The following CDHR1 variants were observed in gnomAD, a reference collection of about 807,000 sequenced individuals.
CDHR1 encodes cadherin-related family member 1.
A neutral mutation model predicts 72.1 loss-of-function variants in CDHR1; 61 were observed. The observed-to-expected ratio is 0.85, with a 90% confidence interval of 0.69 to 1.05. CDHR1 has a LOEUF of 1.05. Ranked by LOEUF, CDHR1 falls within the 50% of genes least tolerant of loss-of-function variation. The probability of loss-of-function intolerance (pLI) is 0.00; values close to 1 mark genes in which losing one functional copy is unlikely to be tolerated. For synonymous variants in CDHR1, 470 were observed against 448.1 expected, an observed-to-expected ratio of 1.05 and a Z score of -0.62; for missense variants, 1,186 against 1,115.7, an observed-to-expected ratio of 1.06 and a Z score of -0.90.
Position 84,194,687 on chromosome 10 carries a change from C to A in CDHR1, c.-74C>A. On this transcript the variant is annotated 5_prime_UTR_variant, in exon 1 of 17. Coordinates refer to ENST00000623527, the MANE Select transcript of CDHR1 (RefSeq NM_033100.4). ...CCCATTGTGGTCTCTGCCCTCCCCG[C>A]GGGCCCAGGGCATGCTCCGTGCCCC... The A allele has an allele frequency of 1.6e-6, 2 of 1,277,842 alleles. No homozygotes were observed. Among genetic ancestry groups the A allele is most frequent in the Non-Finnish European group, 1.0e-6 (1 of 978,830 alleles). 79.2% of individuals were successfully genotyped at this position (1,277,842 alleles called of 1,614,324 possible). A position where few individuals can be genotyped will look rare whatever the true frequency, so the allele number is the denominator to read the frequency against.
At position 84,212,199 on chromosome 10, in the gene CDHR1, C is replaced by T. The variant is rs754996707; in HGVS notation, c.1574C>T (p.Thr525Ile). 3.7e-6 allele frequency: 6 copies of T among 1,614,100 alleles called. No homozygotes were observed. The highest frequency in any genetic ancestry group is 1.3e-5 in the African/African-American group (1 of 74,926). Residue 525 changes from threonine to isoleucine, a missense_variant, in exon 15 of 17, where the codon ACT becomes ATT. By Grantham distance (89) the Thr-to-Ile change is moderately conservative (BLOSUM62 -1). Coordinates refer to ENST00000623527, the MANE Select transcript of CDHR1 (RefSeq NM_033100.4). ...GADLFLIHPS[T>I]GLIYTQPWAS... ...GGCAGCTTCCTGATCCACCCATCCA[C>T]TGGGCTTATCTACACCCAGCCCTGG...
Position 84,196,512 on chromosome 10 carries a change from C to A in CDHR1, c.159C>A (p.His53Gln), listed in dbSNP as rs12781048. 0.036 allele frequency: 58,480 copies of A among 1,614,016 alleles called. 1,238 individuals are homozygous for A. The highest frequency in any genetic ancestry group is 0.042 in the Middle Eastern group (255 of 6,062). Reference protein sequence around the residue: ...SLPEDTPVGSHVYTLNGTDPE... With the variant: ...SLPEDTPVGSQVYTLNGTDPE... ...CACTGTGTTTCCTTCCAGGCTCTCA[C>A]GTATACACCCTGAATGGGACAGACC... is the stretch of plus-strand genomic sequence containing the variant. Residue 53 changes from histidine (H) to glutamine (Q), a missense_variant, in exon 3 of 17, where the codon CAC (histidine) becomes CAA (glutamine). Coordinates refer to ENST00000623527, the MANE Select transcript of CDHR1 (RefSeq NM_033100.4).
At position 84,214,707 on chromosome 10, in the gene CDHR1, T is replaced by C. The variant is rs543812322; in HGVS notation, c.*86T>C. The C allele has an allele frequency of 8.7e-5, 138 of 1,587,794 alleles. 1 individual carries two copies. In the African/African-American group the frequency reaches 1.6e-3, roughly 18 times the overall value. ...GACTATGCTCCCCTTCCTCTGCTCC[T>C]TAAGGTCACTGACCCCTGTTTTGCA... On this transcript the variant is annotated 3_prime_UTR_variant, in exon 17 of 17. Coordinates refer to ENST00000623527, the MANE Select transcript of CDHR1 (RefSeq NM_033100.4).
In CDHR1 at chr10:84,215,468, G is replaced by A; in HGVS notation, c.*847G>A. 1 of 984,288 alleles carries A rather than the reference G, an allele frequency of 1.0e-6. No homozygotes were observed. Among genetic ancestry groups the A allele is most frequent in the Non-Finnish European group, 1.2e-6 (1 of 828,908 alleles). The allele number at this position is 984,288 out of a possible 1,614,324, so 61.0% of individuals were successfully genotyped here. ...GAAGAGACAATTCAGGGCAGTTGATGAATATCAGGGCTGAGATGTGGTGAG... is the reference window on the plus strand; with the variant it reads ...GAAGAGACAATTCAGGGCAGTTGATAAATATCAGGGCTGAGATGTGGTGAG... On this transcript the variant is annotated 3_prime_UTR_variant, in exon 17 of 17. Transcript: ENST00000623527.
chr10:84,195,696 G>A (rs1359168729), intron 2 of CDHR1, 107 bp downstream of exon 2: 7 of 917,502 alleles, frequency 7.6e-6, no homozygotes, highest in African/African-American at 3.3e-5. Flanking sequence ...CGCGCCCGGG[G>A]GCTCCTTGTT....
chr10:84,218,576 G>A lies in CDHR1; in HGVS notation c.*3955G>A, dbSNP rs1589313292. 1 of 985,458 alleles carries A rather than the reference G, an allele frequency of 1.0e-6. No homozygotes were observed. Among genetic ancestry groups the A allele is most frequent in the East Asian group, 1.1e-4 (1 of 8,822 alleles). 61.0% of individuals were successfully genotyped at this position (985,458 alleles called of 1,614,324 possible). On this transcript the variant is annotated 3_prime_UTR_variant, in exon 17 of 17. Coordinates refer to ENST00000623527, the MANE Select transcript of CDHR1 (RefSeq NM_033100.4). ...ATTGCTAATCGCCTGGGCCTAGGGA[G>A]TCTTCATTTTAAAAGCAAGTAGCCC...
intron 10 of CDHR1, among the ~76,000 whole-genome samples, chr10:84,206,607 C>T (rs550716646): frequency 2.8e-4 from 43 of 152,306 alleles, no homozygotes; most frequent in Middle Eastern, 3.4e-3. Context: ...GGATTACAGC[C>T]ACTTGAAAAG....
Position 84,198,302 on chromosome 10 carries a change from C to T in CDHR1, c.348+466C>T, listed in dbSNP as rs551369336. Among the ~76,000 whole-genome samples the T allele has an allele frequency of 2.0e-5, 3 of 152,326 alleles. No homozygotes were observed. The East Asian group carries it at 5.8e-4, about 29-fold the overall frequency. ...GTCACTATGGAACAGTCAGATCTGC[C>T]CACTCTGAGGCTGGGAAAGCACTAA... is the stretch of plus-strand genomic sequence containing the variant. On this transcript the variant is annotated intron_variant, in intron 4 of 16. Transcript: ENST00000623527.
rs747005556 is a variant in CDHR1, at chr10:84,214,448, A to G, written c.2407A>G (p.Ser803Gly). The G allele has an allele frequency of 1.2e-6, 2 of 1,612,512 alleles. No homozygotes were observed. The highest frequency in any genetic ancestry group is 1.7e-6 in the Non-Finnish European group (2 of 1,179,918). Residue 803 changes from serine to glycine, a missense_variant, in exon 17 of 17, where the codon AGC becomes GGC. Transcript: ENST00000623527. Reference sequence around the variant, plus strand: ...CCCTCCACCACCCAGCGTGGCGCCCAGCACTGGCGCAGCCCAGTGGACCGT... The same window carrying G: ...CCCTCCACCACCCAGCGTGGCGCCCGGCACTGGCGCAGCCCAGTGGACCGT... Reference protein sequence around the residue: ...ALPPPPSVAPSTGAAQWTVPT... With the variant: ...ALPPPPSVAPGTGAAQWTVPT...
chr10:84,194,573 TC>T lies in CDHR1; in HGVS notation c.-186del. ...TCGTCAGGCGGCCGGCAGGAGCAGA[TC>T]CGAGCCGTGTCATCCTCTTAGCGCC... On this transcript the variant is annotated 5_prime_UTR_variant, in exon 1 of 17. Transcript: ENST00000623527. The T allele has an allele frequency of 6.3e-6, 3 of 475,456 alleles. No individual in the cohort carries two copies. The South Asian group carries it at 1.1e-4, about 17-fold the overall frequency. 29.5% of individuals were successfully genotyped at this position (475,456 alleles called of 1,614,324 possible).
chr10:84,201,832 A>G lies in CDHR1; in HGVS notation c.551A>G (p.Asp184Gly), dbSNP rs1352579543. 3 of 1,610,310 alleles carry G rather than the reference A, an allele frequency of 1.9e-6. No individual in the cohort carries two copies. In the African/African-American group the frequency reaches 4.0e-5, roughly 21 times the overall value. The part of the protein sequence containing the change: ...LQNLHSPFAV[D>G]RHSGVLRLQA... The stretch of plus-strand genomic sequence containing the variant: ...AACCTGCACTCCCCATTTGCCGTGG[A>G]CCGCCACAGCGGTGTGCTGCGCCTC... Residue 184 changes from aspartate to glycine, a missense_variant, in exon 7 of 17, where the codon GAC becomes GGC. Coordinates refer to ENST00000623527, the MANE Select transcript of CDHR1 (RefSeq NM_033100.4).
intron 5 of CDHR1, among the ~76,000 whole-genome samples, chr10:84,199,763 G>A (rs1298170815): frequency 6.6e-6 from 1 of 152,174 alleles, no homozygotes; most frequent in Non-Finnish European, 1.5e-5. Context: ...AAGCACACAT[G>A]CCCACAGGGT....
At position 84,209,003 on chromosome 10, in the gene CDHR1, T is replaced by C. The variant is rs1048967134; in HGVS notation, c.1320+122T>C. ...TGCCCTTCCTGGCCCTACTCTTTTCTTCTCCAGCCCTCTGCCCCTCCTGCA... is the reference window on the plus strand; with the variant it reads ...TGCCCTTCCTGGCCCTACTCTTTTCCTCTCCAGCCCTCTGCCCCTCCTGCA... On this transcript the variant is annotated intron_variant, in intron 12 of 16. Transcript: ENST00000623527. 6 of 1,111,398 alleles carry C rather than the reference T, an allele frequency of 5.4e-6. No homozygotes were observed. In the African/African-American group the frequency reaches 7.7e-5, roughly 14 times the overall value. The allele number at this position is 1,111,398 out of a possible 1,614,324, so 68.8% of individuals were successfully genotyped here. A position where few individuals can be genotyped will look rare whatever the true frequency, so the allele number is the denominator to read the frequency against.
At chr10:84,204,468 TGGGGA>T in intron 8 of CDHR1, 54 bp from the exon 9 acceptor site, 2 of 1,174,570 alleles carry the variant, frequency 1.7e-6, no homozygotes, top group Non-Finnish European at 2.6e-6. Flanking sequence ...AGACATTGTT[TGGGGA>T]GGGGAGGGTC....
intron 9 of CDHR1, 43 bp from the exon 10 acceptor site, chr10:84,205,784 C>G: frequency 7.0e-7 from 1 of 1,430,990 alleles, no homozygotes; most frequent in Non-Finnish European, 9.8e-7. Flanking sequence ...CTGCGCCTCC[C>G]TGTGGTCCTG....
In CDHR1 at chr10:84,203,008, A is replaced by T; in HGVS notation, c.668A>T (p.Asp223Val). 1 of 1,614,114 alleles carries T rather than the reference A, an allele frequency of 6.2e-7. No individual in the cohort carries two copies. Among genetic ancestry groups the T allele is most frequent in the Non-Finnish European group, 8.5e-7 (1 of 1,180,012 alleles). ...GGCGGTGGGAGGCTTCATGGGGCTG[A>T]TGTGGTGTTCTCAGCCACCACCACG... ...KDGGGRLHGA[D>V]VVFSATTTVT... Residue 223 changes from aspartate (D) to valine (V), a missense_variant, in exon 8 of 17, where the codon GAT becomes GTT. Asp to Val is a radical substitution (Grantham distance 152). Coordinates refer to ENST00000623527, the MANE Select transcript of CDHR1 (RefSeq NM_033100.4).
intron 13 of CDHR1, among the ~76,000 whole-genome samples, 155 bp downstream of exon 13, chr10:84,211,320 C>T (rs1203723385): frequency 1.3e-5 from 2 of 152,204 alleles, no homozygotes; most frequent in Non-Finnish European, 2.9e-5. Flanking sequence ...GTTTCTTCAT[C>T]CATATGATGG....
chr10:84,219,300 C>A (rs1289970001), downstream of CDHR1: 2 of 1,547,106 alleles, frequency 1.3e-6, no homozygotes, highest in East Asian at 4.9e-5. Flanking sequence ...CTCAGAAATC[C>A]TCCCTAGACC....
At chr10:84,196,133 C>T (rs778064913) in intron 2 of CDHR1, among the ~76,000 whole-genome samples, 8 of 152,216 alleles carry the variant, frequency 5.3e-5, no homozygotes, top group Non-Finnish European at 1.2e-4. Context: ...TGGCTGCTCC[C>T]ATTTCCCCTT....
Sources: gnomAD v4.1 joint callset for allele counts (sites outside exome capture counted in the v4.1 genomes callset) on GRCh38, gnomAD v4.1.1 for gene constraint, MANE v1.5 for transcripts, NCBI Gene and HGNC (gene_info 2026-07-23, HGNC 2026-07-21) for gene names.